Variants in GRB10 observed in about 807,000 individuals in gnomAD.
GRB10 encodes growth factor receptor bound protein 10.
In GRB10, 20 loss-of-function variants were observed where a neutral mutation model predicts 80.9. The ratio of observed to expected loss-of-function variants is 0.25; its 90% CI spans 0.17 to 0.36. The LOEUF is 0.36. Among genes scored for constraint, GRB10 ranks in the 10% least tolerant of loss-of-function variants. GRB10 has a pLI of 1.00. For synonymous variants in GRB10, 291 were observed against 291.5 expected (o/e 1.00, Z 0.02); for missense variants, 548 against 747.7 (o/e 0.73, Z 3.12).
At chr7:50,616,118 C>A in intron 11 of GRB10, 92 bp downstream of exon 11, 1 of 1,418,412 alleles carries the variant, frequency 7.1e-7, no homozygotes. Context: ...GTCTAAGGTG[C>A]ATTTAAAAAT....
chr7:50,609,071 T>C (rs115307476), intron 13 of GRB10, among the ~76,000 whole-genome samples: 1 of 151,250 alleles, frequency 6.6e-6, no homozygotes, highest in Non-Finnish European at 1.5e-5. Context: ...ATATACTTAA[T>C]AAATCTAAAA....
At chr7:50,730,771 C>T (rs1044615566) in intron 4 of GRB10, among the ~76,000 whole-genome samples, 8 of 152,164 alleles carry the variant, frequency 5.3e-5, no homozygotes, top group African/African-American at 1.9e-4. Flanking sequence ...CAGCAGGAAA[C>T]TGGAAATGCC....
intron 14 of GRB10, among the ~76,000 whole-genome samples, chr7:50,605,658 C>T (rs55834323): frequency 0.083 from 12,619 of 152,180 alleles, 794 homozygotes; most frequent in South Asian, 0.13. Context: ...GTGAGGCCCC[C>T]GGCACCCGCA....
intron 2 of GRB10, among the ~76,000 whole-genome samples, chr7:50,771,026 T>C (rs1009821099): frequency 2.7e-5 from 4 of 148,608 alleles, no homozygotes; most frequent in African/African-American, 7.9e-5. Context: ...AGGACTTCAA[T>C]GTGCCCTGTG....
intron 8 of GRB10, among the ~76,000 whole-genome samples, chr7:50,623,761 G>A (rs1277012832): frequency 2.6e-5 from 4 of 152,180 alleles, no homozygotes; most frequent in South Asian, 4.1e-4. Context: ...TAGCTGTTAA[G>A]ATCCTTATAC....
intron 7 of GRB10, among the ~76,000 whole-genome samples, chr7:50,638,660 C>A (rs969447441): frequency 7.9e-5 from 12 of 152,084 alleles, no homozygotes; most frequent in Middle Eastern, 3.2e-3. Flanking sequence ...TAAATTAATA[C>A]AACCTGTATG....
chr7:50,627,071 A>G, intron 7 of GRB10, 93 bp from the exon 8 acceptor site: 2 of 1,313,066 alleles, frequency 1.5e-6, no homozygotes, highest in Non-Finnish European at 2.2e-6. Flanking sequence ...AAGTAAAAAT[A>G]GTAGTGCTCC....
intron 4 of GRB10, among the ~76,000 whole-genome samples, chr7:50,729,552 T>A (rs2069262092): frequency 6.6e-6 from 1 of 152,178 alleles, no homozygotes; most frequent in African/African-American, 2.4e-5. Context: ...TGAACACAGA[T>A]GTGCAGGGCC....
At chr7:50,753,867 C>T (rs1020608772) in intron 3 of GRB10, among the ~76,000 whole-genome samples, 1 of 152,166 alleles carries the variant, frequency 6.6e-6, no homozygotes, top group African/African-American at 2.4e-5. Flanking sequence ...GGCAGGAAGC[C>T]CAAGGCTGTC....
rs373045141 is a variant in GRB10, at chr7:50,749,992, T to C, written c.-47+5895A>G. ...ATCTTCTTTTCAACTTAGGACAGAC[T>C]GTAACAGCCTGTTGATCCTGCTACT... On this transcript the variant is annotated intron_variant, in intron 3 of 18. Coordinates refer to ENST00000401949, the MANE Select transcript of GRB10 (RefSeq NM_001350814.2). 7.9e-5 allele frequency among the ~76,000 whole-genome samples: 12 copies of C among 152,374 alleles called. No homozygotes were observed. In the East Asian group the frequency reaches 1.3e-3, roughly 17 times the overall value.
chr7:50,782,777 G>T lies in GRB10; in HGVS notation c.-680C>A, dbSNP rs1351112720. 6.6e-6 allele frequency: 1 copy of T among 152,124 alleles called. No individual in the cohort carries two copies. The highest frequency in any genetic ancestry group is 1.5e-5 in the Non-Finnish European group (1 of 68,002). 9.4% of individuals were successfully genotyped at this position (152,124 alleles called of 1,614,324 possible). A position where few individuals can be genotyped will look rare whatever the true frequency, so the allele number is the denominator to read the frequency against. On this transcript the variant is annotated 5_prime_UTR_variant, in exon 1 of 19. Transcript: ENST00000401949. The surrounding 1 kb of genome is among the most constrained non-coding windows in gnomAD (Gnocchi z 6.6). ...GCCATCACCACGCAGGTGCCCGGGG[G>T]CCCCTCCGCGGAGCCGGCTGCCGCC...
At chr7:50,659,580 T>C (rs2059016430) in intron 7 of GRB10, among the ~76,000 whole-genome samples, 1 of 152,034 alleles carries the variant, frequency 6.6e-6, no homozygotes, top group African/African-American at 2.4e-5. Context: ...CTATCTCCCA[T>C]GCTGAGCTAA....
At chr7:50,703,041 T>C (rs1016481270) in intron 5 of GRB10, among the ~76,000 whole-genome samples, 1 of 152,236 alleles carries the variant, frequency 6.6e-6, no homozygotes, top group Admixed American at 6.5e-5. Flanking sequence ...TTCTAAAAGA[T>C]GATCCCAAAA....
chr7:50,595,616 C>CACACACACAT, intron 17 of GRB10, 86 bp from the exon 18 acceptor site: 1 of 758,034 alleles, frequency 1.3e-6, no homozygotes. Flanking sequence ...CACACACACA[C>CACACACACAT]ACACACACAC....
intron 4 of GRB10, chr7:50,705,128 G>A (rs1179220087): frequency 7.1e-6 from 7 of 984,830 alleles, no homozygotes; most frequent in Non-Finnish European, 8.4e-6. Context: ...TCTCTGCTGC[G>A]TGCACACTGA....
intron 5 of GRB10, among the ~76,000 whole-genome samples, chr7:50,680,942 A>G (rs2237482): frequency 0.1 from 15,223 of 152,064 alleles, 936 homozygotes; most frequent in South Asian, 0.12. Flanking sequence ...CTCCAAGAAG[A>G]TCCCAATATG....
intron 5 of GRB10, among the ~76,000 whole-genome samples, chr7:50,690,133 C>T (rs1263356791): frequency 4.6e-5 from 7 of 152,178 alleles, no homozygotes; most frequent in African/African-American, 1.7e-4. Context: ...CCCATCTCTA[C>T]TAAAAGTACA....
At chr7:50,793,014 A>T (rs2079001031) in intron 1 of GRB10, 1 of 138,420 alleles carries the variant, frequency 7.2e-6, no homozygotes, top group Admixed American at 7.0e-5. Flanking sequence ...GCCTCCGAGC[A>T]CCGCCCGCTG....
chr7:50,743,039 T>A (rs970133649), intron 3 of GRB10, among the ~76,000 whole-genome samples: 7 of 152,164 alleles, frequency 4.6e-5, no homozygotes, highest in Non-Finnish European at 1.0e-4. Context: ...TTAAAAAAAA[T>A]AATAACTCTT....
Sources: allele counts gnomAD v4.1 joint callset (sites outside exome capture counted in the v4.1 genomes callset), GRCh38; gene constraint gnomAD v4.1.1; non-coding constraint Gnocchi (gnomAD v3.1); transcripts MANE v1.5; gene names NCBI Gene and HGNC (gene_info 2026-07-23, HGNC 2026-07-21).